NRAP: variants seen among roughly 807,000 people sequenced by gnomAD.
NRAP encodes the protein nebulin related anchoring protein, also known as nebulin-related-anchoring protein.
NRAP carries 189 observed loss-of-function variants against 225.9 expected under a neutral mutation model. That is an observed-to-expected ratio of 0.84 (90% CI 0.74 to 0.94). The LOEUF is 0.94. Ranked by LOEUF, NRAP falls within the 40% of genes least tolerant of loss-of-function variation. The probability of loss-of-function intolerance (pLI) is 0.00; values close to 1 mark genes in which losing one functional copy is unlikely to be tolerated. For synonymous variants in NRAP, 769 were observed against 790.7 expected (o/e 0.97, Z 0.46); for missense variants, 2,176 against 2,168.7 (o/e 1.00, Z -0.07).
At chr10:113,634,044 A>T (rs1050054660) in intron 15 of NRAP, 68 bp downstream of exon 15, 32 of 950,490 alleles carry the variant, frequency 3.4e-5, no homozygotes, top group Non-Finnish European at 4.8e-5. Flanking sequence ...TGGAGGTCAG[A>T]TGTCCAGAGG....
chr10:113,639,282 C>T (rs971102387), intron 14 of NRAP, among the ~76,000 whole-genome samples: 3 of 152,100 alleles, frequency 2.0e-5, no homozygotes, highest in Non-Finnish European at 4.4e-5. Flanking sequence ...CAATAAATAT[C>T]ATTTGCCAAT....
Position 113,589,018 on chromosome 10 carries a change from G to A in NRAP, c.5150C>T (p.Thr1717Ile). ...CTTCTTTTTGACGTGCAGAATCTCA[G>A]TGGCATCTGGGTTCACCTCCCCACT... Reference protein sequence around the residue: ...HQSGEVNPDATEILHVKKKKA... With the variant: ...HQSGEVNPDAIEILHVKKKKA... The change falls in exon 42 of 42, where the codon ACT becomes ATT. Residue 1717 changes from threonine (T) to isoleucine (I), a missense_variant. By Grantham distance (89) the Thr-to-Ile change is moderately conservative. Transcript: ENST00000359988. 6.2e-7 allele frequency: 1 copy of A among 1,614,004 alleles called. No individual in the cohort carries two copies. Among genetic ancestry groups the A allele is most frequent in the African/African-American group, 1.3e-5 (1 of 74,990 alleles).
rs111414181 is a variant in NRAP at position 113,612,233 on chromosome 10, C to T, written c.3498+1G>A. The T allele has an allele frequency of 1.9e-6, 3 of 1,613,860 alleles. No individual in the cohort carries two copies. Among genetic ancestry groups the T allele is most frequent in the Non-Finnish European group, 1.7e-6 (2 of 1,179,804 alleles). ...CTGAGAAAGAGGCCAGGTCTCCTTACCTCACTCTGCAATTTGTGAGCTTTC... is the reference window on the plus strand; with the variant it reads ...CTGAGAAAGAGGCCAGGTCTCCTTATCTCACTCTGCAATTTGTGAGCTTTC... On this transcript the variant is annotated splice_donor_variant, in intron 30 of 41. Coordinates refer to ENST00000359988, the MANE Select transcript of NRAP (RefSeq NM_198060.4). LOFTEE classifies it high-confidence loss of function.
chr10:113,589,189 A>G (rs1845780317), intron 41 of NRAP, 110 bp from the exon 42 acceptor site: 1 of 814,304 alleles, frequency 1.2e-6, no homozygotes, highest in Admixed American at 2.5e-5. Flanking sequence ...TAACAGGCTC[A>G]CCCTCCCTTT....
intron 38 of NRAP, among the ~76,000 whole-genome samples, chr10:113,592,682 T>C (rs1021051873): frequency 2.0e-5 from 3 of 152,234 alleles, no homozygotes; most frequent in African/African-American, 7.2e-5. Context: ...ATCCAGTTTC[T>C]TCCTACATGC....
chr10:113,626,222 C>T (rs1254893247), intron 20 of NRAP, 77 bp from the exon 21 acceptor site: 16 of 849,662 alleles, frequency 1.9e-5, no homozygotes, highest in African/African-American at 5.1e-5. Context: ...CCCCCACACA[C>T]ACACACATTC....
intron 13 of NRAP, among the ~76,000 whole-genome samples, chr10:113,640,649 A>G (rs947126433): frequency 5.3e-5 from 8 of 152,212 alleles, no homozygotes; most frequent in Non-Finnish European, 7.3e-5. Flanking sequence ...GCTAACCCCA[A>G]GAAAATAGAT....
At chr10:113,647,144 C>T in intron 9 of NRAP, 117 bp from the exon 10 acceptor site, 1 of 709,566 alleles carries the variant, frequency 1.4e-6, no homozygotes, top group South Asian at 1.6e-5. Context: ...TTGGGTATTT[C>T]ACTGATGTCC....
chr10:113,614,794 G>A (rs374518463), intron 28 of NRAP, 45 bp downstream of exon 28: 13 of 1,143,034 alleles, frequency 1.1e-5, no homozygotes, highest in Admixed American at 5.1e-5. Flanking sequence ...GAGTGAAAAC[G>A]GGTTAGTGTT....
At chr10:113,615,038 G>A in intron 27 of NRAP, 92 bp from the exon 28 acceptor site, 1 of 798,124 alleles carries the variant, frequency 1.3e-6, no homozygotes, top group South Asian at 1.4e-5. Context: ...GGTTTGTGGT[G>A]GGTCCCCTCC....
chr10:113,612,749 C>G (rs1847411041), intron 29 of NRAP, among the ~76,000 whole-genome samples: 1 of 152,224 alleles, frequency 6.6e-6, no homozygotes, highest in South Asian at 2.1e-4. Context: ...TTAGATCTTT[C>G]TATTTTTCAG....
chr10:113,646,298 T>C (rs1403085831), intron 10 of NRAP, among the ~76,000 whole-genome samples: 2 of 152,178 alleles, frequency 1.3e-5, no homozygotes, highest in Non-Finnish European at 2.9e-5. Context: ...TTTAACTTCC[T>C]TCCTCAGGCA....
At chr10:113,594,489 G>A (rs749965227) in intron 38 of NRAP, among the ~76,000 whole-genome samples, 8 of 152,152 alleles carry the variant, frequency 5.3e-5, no homozygotes, top group Non-Finnish European at 1.0e-4. Flanking sequence ...CTACAGCGAT[G>A]GGTCTCCAAT....
chr10:113,624,773 G>A (rs747757309), intron 22 of NRAP, 53 bp downstream of exon 22: 3 of 1,272,452 alleles, frequency 2.4e-6, no homozygotes, highest in Non-Finnish European at 3.4e-6. Flanking sequence ...TTTACCAGGT[G>A]GCTATACACA....
At chr10:113,657,220 C>A (rs1390851458) in intron 4 of NRAP, among the ~76,000 whole-genome samples, 1 of 151,946 alleles carries the variant, frequency 6.6e-6, no homozygotes, top group Non-Finnish European at 1.5e-5. Context: ...GACAGGGTAG[C>A]CTTGGTTTCA....
intron 9 of NRAP, among the ~76,000 whole-genome samples, chr10:113,647,847 T>C (rs1849671820): frequency 6.6e-6 from 1 of 152,248 alleles, no homozygotes; most frequent in Admixed American, 6.5e-5. Context: ...CTAAGGATTA[T>C]AATCTTTGTC....
At position 113,604,671 on chromosome 10, in the gene NRAP, T is replaced by A; in HGVS notation, c.4165A>T (p.Thr1389Ser). ...ATCTTCAGGTCCTCGGGCAGTGCTG[T>A]GAACTTGTGATACTGTGTCCTGTAG... The part of the protein sequence containing the change: ...HDYRTQYHKF[T>S]ALPEDLKMAW... Residue 1389 changes from threonine (T) to serine (S), a missense_variant, in exon 35 of 42, where the codon ACA becomes TCA. By Grantham distance (58) the Thr-to-Ser change is moderately conservative. Around this residue, in one of 3 missense-constraint regions of NRAP, gnomAD observed 23 missense variants for 47.1 expected, o/e 0.49. Coordinates refer to ENST00000359988, the MANE Select transcript of NRAP (RefSeq NM_198060.4). 1 of 1,614,176 alleles carries A rather than the reference T, an allele frequency of 6.2e-7. No homozygotes were observed. The highest frequency in any genetic ancestry group is 8.5e-7 in the Non-Finnish European group (1 of 1,180,030).
At position 113,589,089 on chromosome 10, in the gene NRAP, T is replaced by TCAAA. The variant is rs1323210484; in HGVS notation, c.5089-14_5089-11dup. On this transcript the variant is annotated splice_polypyrimidine_tract_variant and intron_variant, in intron 41 of 41. Transcript: ENST00000359988. ...CTGCTTCTGCCCCCCGCTGCTGAAA[T>TCAAA]CAAACATACCCCAAGTTAAAATGAA... The TCAAA allele has an allele frequency of 3.1e-6, 5 of 1,611,240 alleles. No individual in the cohort carries two copies. The Admixed American group carries it at 5.0e-5, about 16-fold the overall frequency.
intron 14 of NRAP, among the ~76,000 whole-genome samples, chr10:113,638,342 T>C (rs2134078371): frequency 6.6e-6 from 1 of 152,298 alleles, no homozygotes; most frequent in South Asian, 2.1e-4. Context: ...TTTTTTTTTC[T>C]TTTTGCTAAA....
Sources: gnomAD v4.1 joint callset for allele counts (sites outside exome capture counted in the v4.1 genomes callset) on GRCh38, gnomAD v4.1.1 for gene constraint, gnomAD v4.1.1 regional missense constraint, MANE v1.5 for transcripts, NCBI Gene and HGNC (gene_info 2026-07-23, HGNC 2026-07-21) for gene names.